The following CMIP variants were observed in gnomAD, a reference collection of about 807,000 sequenced individuals.
CMIP encodes c-Maf inducing protein.
In CMIP, 13 loss-of-function variants were observed where a neutral mutation model predicts 97.3. That is an observed-to-expected ratio of 0.13 (90% CI 0.09 to 0.21). The LOEUF (loss-of-function observed/expected upper bound fraction) is 0.21. Among genes scored for constraint, CMIP ranks in the 10% least tolerant of loss-of-function variants. The pLI is 1.00. For missense variants in CMIP, 847 were observed against 1,024.9 expected, an observed-to-expected ratio of 0.83 and a Z score of 2.37; for synonymous variants, 538 against 436.3, an observed-to-expected ratio of 1.23 and a Z score of -2.91.
chr16:81,706,049 C>T (rs1335844515), intron 19 of CMIP, among the ~76,000 whole-genome samples: 1 of 152,204 alleles, frequency 6.6e-6, no homozygotes, highest in Non-Finnish European at 1.5e-5. Flanking sequence ...GGGAGGCTCC[C>T]GTGCCCGTTG....
chr16:81,568,659 G>A (rs12929303), intron 1 of CMIP, among the ~76,000 whole-genome samples: 61,795 of 152,118 alleles, frequency 0.41, 14,532 homozygotes, highest in Non-Finnish European at 0.53. Flanking sequence ...GTAGGAATCA[G>A]CCTAACAGAT....
Position 81,525,290 on chromosome 16 carries a change from C to T in CMIP, c.300+79749C>T, listed in dbSNP as rs148850697. 5.0e-3 allele frequency among the ~76,000 whole-genome samples: 753 copies of T among 151,754 alleles called. 9 individuals carry two copies. Among genetic ancestry groups the T allele is most frequent in the African/African-American group, 0.017 (719 of 41,374 alleles). On this transcript the variant is annotated intron_variant, in intron 1 of 20. Coordinates refer to ENST00000537098, the MANE Select transcript of CMIP (RefSeq NM_198390.3). ...TCCCAAGTAGCTGGGGTTACAGGCA[C>T]CCGCCATTATGCCTGGCTAATTTTT...
chr16:81,671,890 C>T lies in CMIP; in HGVS notation c.930-76C>T, dbSNP rs567078883. ...GGCAGCCCCGTGCCTGAGCAACGCC[C>T]TCCCTTTCCCCCCTTACCCTGTCCA... On this transcript the variant is annotated intron_variant, in intron 8 of 20. Transcript: ENST00000537098. 9.6e-5 allele frequency: 69 copies of T among 720,754 alleles called. 3 individuals carry two copies. In the South Asian group the frequency reaches 1.0e-3, roughly 11 times the overall value. The allele number at this position is 720,754 out of a possible 1,614,324, so 44.6% of individuals were successfully genotyped here.
intron 1 of CMIP, among the ~76,000 whole-genome samples, chr16:81,559,058 C>T (rs1179785116): frequency 6.6e-6 from 1 of 152,218 alleles, no homozygotes; most frequent in Admixed American, 6.5e-5. Flanking sequence ...CCTGGGCGCC[C>T]CTCCTGCCGC....
intron 1 of CMIP, among the ~76,000 whole-genome samples, chr16:81,577,292 TCAC>T (rs2091209000): frequency 2.0e-5 from 3 of 151,354 alleles, no homozygotes; most frequent in Non-Finnish European, 4.4e-5. Flanking sequence ...ATCACCTTCA[TCAC>T]CACCATCATC....
chr16:81,703,713 G>A, intron 17 of CMIP: 11 of 578,620 alleles, frequency 1.9e-5, no homozygotes, highest in South Asian at 1.3e-4. Context: ...TTTCTCCTCC[G>A]CCTGGCAGCT....
chr16:81,544,418 CA>C (rs1015964237), intron 1 of CMIP, among the ~76,000 whole-genome samples: 1 of 147,550 alleles, frequency 6.8e-6, no homozygotes, highest in Non-Finnish European at 1.5e-5. Context: ...GTCTCATCCT[CA>C]GGGGGTAAGT....
chr16:81,538,384 T>C (rs2090387171), intron 1 of CMIP, among the ~76,000 whole-genome samples: 1 of 152,248 alleles, frequency 6.6e-6, no homozygotes, highest in African/African-American at 2.4e-5. Flanking sequence ...TAAGGGGTTG[T>C]TGGAACAAAG....
rs561735439 is a variant in CMIP, at chr16:81,603,836, T to G, written c.301-3731T>G. Among the ~76,000 whole-genome samples the G allele has an allele frequency of 3.3e-4, 51 of 152,316 alleles. 2 individuals carry two copies. The highest frequency in any genetic ancestry group is 3.3e-3 in the Admixed American group (50 of 15,308). On this transcript the variant is annotated intron_variant, in intron 1 of 20. Transcript: ENST00000537098. ...AGGCAAAGATTGGTCTTTCTCAAAA[T>G]AGTTCGTTTGATTGCGTTCTTTAGT...
intron 1 of CMIP, among the ~76,000 whole-genome samples, chr16:81,592,862 T>G (rs2091487117): frequency 1.3e-5 from 2 of 152,366 alleles, no homozygotes; most frequent in African/African-American, 4.8e-5. Flanking sequence ...CCAGGCTGGC[T>G]GCTGTGGGCC....
intron 1 of CMIP, among the ~76,000 whole-genome samples, chr16:81,607,227 G>T (rs1443589440): frequency 6.6e-6 from 1 of 152,260 alleles, no homozygotes; most frequent in East Asian, 1.9e-4. Flanking sequence ...GTGGCTTATT[G>T]CTGGTGAGGG....
rs529541553 is a variant in CMIP at position 81,621,905 on chromosome 16, C to T, written c.477+979C>T. The T allele has an allele frequency of 1.3e-5, 2 of 152,396 alleles. No homozygotes were observed. Among genetic ancestry groups the T allele is most frequent in the South Asian group, 2.1e-4 (1 of 4,828 alleles). 9.4% of individuals were successfully genotyped at this position (152,396 alleles called of 1,614,324 possible). A position where few individuals can be genotyped will look rare whatever the true frequency, so the allele number is the denominator to read the frequency against. The stretch of plus-strand genomic sequence containing the variant: ...CCTGGTCCCAGAGAGGGCCACTCCC[C>T]TCCTTTCCTCTGTCAGCTACTGGTC... On this transcript the variant is annotated intron_variant, in intron 3 of 20. Transcript: ENST00000537098. This position sits in a 1 kb window ranked among gnomAD's most constrained non-coding sequence, Gnocchi z 4.1.
At chr16:81,600,541 T>G (rs1214254927) in intron 1 of CMIP, among the ~76,000 whole-genome samples, 1 of 152,132 alleles carries the variant, frequency 6.6e-6, no homozygotes, top group African/African-American at 2.4e-5. Context: ...AACAGGCAAG[T>G]CCCATTGATA....
At chr16:81,508,334 G>A (rs1597487535) in intron 1 of CMIP, among the ~76,000 whole-genome samples, 3 of 152,234 alleles carry the variant, frequency 2.0e-5, no homozygotes, top group South Asian at 2.1e-4. Context: ...GTACATAGAC[G>A]CAAATACGTA....
At chr16:81,566,715 G>C (rs1431484752) in intron 1 of CMIP, among the ~76,000 whole-genome samples, 1 of 152,186 alleles carries the variant, frequency 6.6e-6, no homozygotes, top group African/African-American at 2.4e-5. Flanking sequence ...ATTCAGAGCA[G>C]CCTTAGTCAT....
chr16:81,555,483 A>G (rs986292604), intron 1 of CMIP, among the ~76,000 whole-genome samples: 1 of 152,204 alleles, frequency 6.6e-6, no homozygotes, highest in Non-Finnish European at 1.5e-5. Flanking sequence ...ACCCTACAGG[A>G]TGCACACAGA....
intron 1 of CMIP, chr16:81,495,434 G>C: frequency 6.2e-7 from 1 of 1,608,292 alleles, no homozygotes; most frequent in Non-Finnish European, 8.5e-7. Context: ...TGTTTCCTGC[G>C]AGGAGGGAAG....
chr16:81,668,095 C>A (rs2092630222), intron 7 of CMIP, among the ~76,000 whole-genome samples: 1 of 152,044 alleles, frequency 6.6e-6, no homozygotes, highest in Admixed American at 6.5e-5. Flanking sequence ...GTCAGTTAGA[C>A]CTGAGGGGGG....
intron 1 of CMIP, among the ~76,000 whole-genome samples, chr16:81,489,288 G>T (rs1177244387): frequency 6.6e-6 from 1 of 152,234 alleles, no homozygotes; most frequent in Non-Finnish European, 1.5e-5. Context: ...ATGTGCACAG[G>T]AGAGGAGGAG....
Sources: allele counts gnomAD v4.1 joint callset (sites outside exome capture counted in the v4.1 genomes callset), GRCh38; gene constraint gnomAD v4.1.1; non-coding constraint Gnocchi (gnomAD v3.1); transcripts MANE v1.5; gene names NCBI Gene and HGNC (gene_info 2026-07-23, HGNC 2026-07-21).